The following EFHD1 variants were observed in gnomAD, a reference collection of about 807,000 sequenced individuals.
The protein encoded by EFHD1 is EF-hand domain family member D1, also known as EF-hand domain-containing protein D1.
Under a neutral mutation model 17.2 loss-of-function variants are expected in EFHD1, and 10 were observed. The observed-to-expected ratio is 0.58, with a 90% CI of 0.36 to 0.99. EFHD1 has a LOEUF of 0.99. Ranked by LOEUF, EFHD1 falls within the 50% of genes least tolerant of loss-of-function variation. EFHD1 has a pLI of 0.01. For missense variants in EFHD1, 310 were observed against 327.5 expected, an observed-to-expected ratio of 0.95 and a Z score of 0.41; for synonymous variants, 153 against 142.0, an observed-to-expected ratio of 1.08 and a Z score of -0.55.
intron 1 of EFHD1, among the ~76,000 whole-genome samples, chr2:232,647,653 TGAGACGGA>T (rs1553599476): frequency 5.9e-5 from 9 of 151,560 alleles, no homozygotes; most frequent in African/African-American, 7.3e-5. Context: ...CTTTTTTTTT[TGAGACGGA>T]GTTTTGCTCT....
chr2:232,664,466 T>A (rs569539381), intron 2 of EFHD1, among the ~76,000 whole-genome samples: 8 of 151,978 alleles, frequency 5.3e-5, no homozygotes, highest in Non-Finnish European at 7.4e-5. Flanking sequence ...TTAAAAAAAA[T>A]TTTGTGGTTG....
In EFHD1 at chr2:232,663,307, T is replaced by C. The variant is rs148710579; in HGVS notation, c.450+358T>C. Reference sequence around the variant, plus strand: ...TTTAACGTATTTTTAAAATTTTTTATTTTTAATTGTTATGGATACATAATA... The same window carrying C: ...TTTAACGTATTTTTAAAATTTTTTACTTTTAATTGTTATGGATACATAATA... On this transcript the variant is annotated intron_variant, in intron 2 of 3. Coordinates refer to ENST00000264059, the MANE Select transcript of EFHD1 (RefSeq NM_025202.4). Among the ~76,000 whole-genome samples, 113 of 152,328 alleles carry C rather than the reference T, an allele frequency of 7.4e-4. 3 individuals carry two copies. In the South Asian group the frequency reaches 0.018, roughly 24 times the overall value.
chr2:232,659,598 G>C (rs1694820364), intron 1 of EFHD1, among the ~76,000 whole-genome samples: 1 of 152,182 alleles, frequency 6.6e-6, no homozygotes, highest in Admixed American at 6.5e-5. Context: ...ATTCCTAGGT[G>C]CCCACAGGCT....
intron 3 of EFHD1, among the ~76,000 whole-genome samples, chr2:232,675,807 C>T (rs1440612132): frequency 1.3e-5 from 2 of 152,082 alleles, no homozygotes; most frequent in Non-Finnish European, 2.9e-5. Context: ...TCTCAGTGTT[C>T]ATCACTCCAT....
rs933422463 is a variant in EFHD1, at chr2:232,672,298, T to G, written c.451-11T>G. 2 of 1,614,034 alleles carry G rather than the reference T, an allele frequency of 1.2e-6. No homozygotes were observed. Among genetic ancestry groups the G allele is most frequent in the African/African-American group, 2.7e-5 (2 of 74,940 alleles). On this transcript the variant is annotated splice_polypyrimidine_tract_variant and intron_variant, in intron 2 of 3. Transcript: ENST00000264059. ...GACTGACTCTGGTTCCCTACTTTCTTTCCCCTGTAGTTCCTGCTCATTTTC... is the reference window on the plus strand; with the variant it reads ...GACTGACTCTGGTTCCCTACTTTCTGTCCCCTGTAGTTCCTGCTCATTTTC...
At chr2:232,642,566 C>A (rs185044367) in intron 1 of EFHD1, among the ~76,000 whole-genome samples, 4 of 151,882 alleles carry the variant, frequency 2.6e-5, no homozygotes, top group Admixed American at 2.6e-4. Context: ...GCTCCTCACC[C>A]CAGAAAAATT....
chr2:232,617,252 C>G (rs1485370428), intron 1 of EFHD1, among the ~76,000 whole-genome samples: 1 of 152,184 alleles, frequency 6.6e-6, no homozygotes. Context: ...ACAAAGTCAC[C>G]ACTTTTATGA....
At chr2:232,668,390 G>T (rs1056387181) in intron 2 of EFHD1, among the ~76,000 whole-genome samples, 1 of 152,184 alleles carries the variant, frequency 6.6e-6, no homozygotes, top group Non-Finnish European at 1.5e-5. Context: ...ACAGTGAGTG[G>T]ATACGTCTGG....
intron 1 of EFHD1, among the ~76,000 whole-genome samples, 186 bp downstream of exon 1, chr2:232,634,192 G>T (rs1307994570): frequency 6.6e-6 from 1 of 152,120 alleles, no homozygotes; most frequent in Non-Finnish European, 1.5e-5. Flanking sequence ...GGGCCGAAGA[G>T]GGGGGACACC....
At chr2:232,647,139 G>T (rs1174323884) in intron 1 of EFHD1, among the ~76,000 whole-genome samples, 1 of 152,278 alleles carries the variant, frequency 6.6e-6, no homozygotes, top group Non-Finnish European at 1.5e-5. Context: ...TGACCACTCG[G>T]TGTGCAGTCA....
intron 1 of EFHD1, among the ~76,000 whole-genome samples, chr2:232,654,487 C>G (rs1243937094): frequency 7.7e-6 from 1 of 130,156 alleles, no homozygotes; most frequent in African/African-American, 2.9e-5. Context: ...GTGGCACAAT[C>G]TTGGCTCACT....
chr2:232,641,504 T>A (rs1284813672), intron 1 of EFHD1, among the ~76,000 whole-genome samples: 2 of 152,186 alleles, frequency 1.3e-5, no homozygotes, highest in Non-Finnish European at 2.9e-5. Context: ...CTTCCAAGAT[T>A]CTTTCTAGGC....
intron 2 of EFHD1, among the ~76,000 whole-genome samples, chr2:232,671,321 C>T (rs1695064730): frequency 6.6e-6 from 1 of 151,470 alleles, no homozygotes; most frequent in South Asian, 2.1e-4. Flanking sequence ...CGCCTGTGGT[C>T]CCAGCTACTC....
intron 3 of EFHD1, among the ~76,000 whole-genome samples, chr2:232,678,213 C>A (rs187468681): frequency 1.5e-4 from 23 of 151,198 alleles, no homozygotes; most frequent in Admixed American, 1.5e-3. Flanking sequence ...GGAAGTGGAG[C>A]TGAGATCACG....
chr2:232,645,502 C>T (rs910715586), intron 1 of EFHD1, among the ~76,000 whole-genome samples: 10 of 152,220 alleles, frequency 6.6e-5, no homozygotes, highest in Admixed American at 5.9e-4. Flanking sequence ...ACAGCCCTCA[C>T]TCTTTGCCCA....
chr2:232,660,830 T>C (rs1030287116), intron 1 of EFHD1, among the ~76,000 whole-genome samples: 1 of 151,892 alleles, frequency 6.6e-6, no homozygotes, highest in African/African-American at 2.4e-5. Flanking sequence ...ATACAAAAAT[T>C]AGCTGTGTGT....
chr2:232,616,685 G>C (rs1481877803), intron 1 of EFHD1, among the ~76,000 whole-genome samples: 2 of 152,150 alleles, frequency 1.3e-5, no homozygotes, highest in African/African-American at 4.8e-5. Context: ...CTGGGAATGG[G>C]GGATGGAGAG....
chr2:232,646,436 CTTTTTTTT>C (rs71398729), intron 1 of EFHD1, among the ~76,000 whole-genome samples: 10 of 67,176 alleles, frequency 1.5e-4, no homozygotes, highest in African/African-American at 3.8e-4. Context: ...CTCTTCTCTT[CTTTTTTTT>C]TTTTTTTTTT....
rs1693952473 is a variant in EFHD1, at chr2:232,617,676, G to T, written c.14+11503G>T. 2.2e-5 allele frequency among the ~76,000 whole-genome samples: 3 copies of T among 136,212 alleles called. No individual in the cohort carries two copies. The South Asian group carries it at 7.0e-4, about 32-fold the overall frequency. The allele number at this position is 136,212 out of a possible 152,430, so 89.4% of individuals were successfully genotyped here. A position where few individuals can be genotyped will look rare whatever the true frequency, so the allele number is the denominator to read the frequency against. ...TCAAAAAAAAAAAAAAAAGAATGCT[G>T]CCAGGGCTGGGCACGGTGGCTCATG... On this transcript the variant is annotated intron_variant, in intron 1 of 3. Transcript: ENST00000409613.
Sources: allele counts gnomAD v4.1 joint callset (sites outside exome capture counted in the v4.1 genomes callset), GRCh38; gene constraint gnomAD v4.1.1; transcripts MANE v1.5; gene names NCBI Gene and HGNC (gene_info 2026-07-23, HGNC 2026-07-21).